The following DPH6 variants were observed in gnomAD, a reference collection of about 807,000 sequenced individuals.
The protein encoded by DPH6 is diphthamine biosynthesis 6.
In DPH6, 33 loss-of-function variants were observed where a neutral mutation model predicts 38.2. The observed-to-expected ratio is 0.86, with a 90% confidence interval of 0.65 to 1.15. The LOEUF is 1.15. Ranked by LOEUF, DPH6 falls within the 50% of genes most tolerant of loss-of-function variation. DPH6 has a pLI of 0.00. For missense variants in DPH6, 325 were observed against 320.0 expected, an observed-to-expected ratio of 1.02 and a Z score of -0.12; for synonymous variants, 108 against 103.0, an observed-to-expected ratio of 1.05 and a Z score of -0.30.
In DPH6 at chr15:35,401,618, G is replaced by C. The variant is rs1257353330; in HGVS notation, c.567+9217C>G. On this transcript the variant is annotated intron_variant, in intron 6 of 8. Coordinates refer to ENST00000256538, the MANE Select transcript of DPH6 (RefSeq NM_080650.4). Reference sequence around the variant, plus strand: ...TTTGGCAATTACAACAATCATCTTCGAATTTTGGAACCATGAAGGTAGGAA... The same window carrying C: ...TTTGGCAATTACAACAATCATCTTCCAATTTTGGAACCATGAAGGTAGGAA... The C allele has an allele frequency of 7.9e-6, 6 of 759,660 alleles. No homozygotes were observed. The East Asian group carries it at 1.5e-4, about 19-fold the overall frequency. 47.1% of individuals were successfully genotyped at this position (759,660 alleles called of 1,614,324 possible).
intron 3 of DPH6, among the ~76,000 whole-genome samples, chr15:35,221,314 A>T (rs2051440829): frequency 6.6e-6 from 1 of 152,104 alleles, no homozygotes; most frequent in African/African-American, 2.4e-5. Context: ...GGGTGGCCCT[A>T]TTCCCATGGC....
At chr15:35,425,737 A>G (rs2053561515) in intron 5 of DPH6, among the ~76,000 whole-genome samples, 1 of 149,314 alleles carries the variant, frequency 6.7e-6, no homozygotes, top group Admixed American at 6.7e-5. Context: ...TTTGGGATGG[A>G]TAGACTCAAT....
intron 3 of DPH6, among the ~76,000 whole-genome samples, chr15:35,228,491 C>A (rs1403835969): frequency 6.6e-6 from 1 of 152,150 alleles, no homozygotes; most frequent in African/African-American, 2.4e-5. Context: ...TGCAGTGGCA[C>A]AATTTCAGCT....
At chr15:35,506,929 A>C (rs2054702077) in intron 3 of DPH6, among the ~76,000 whole-genome samples, 1 of 145,454 alleles carries the variant, frequency 6.9e-6, no homozygotes, top group Non-Finnish European at 1.5e-5. Flanking sequence ...TTCTAGTGAC[A>C]GTGTTAAAAA....
At chr15:35,460,310 T>C (rs1344728131) in intron 3 of DPH6, among the ~76,000 whole-genome samples, 1 of 152,236 alleles carries the variant, frequency 6.6e-6, no homozygotes, top group African/African-American at 2.4e-5. Context: ...TAATTCATAT[T>C]AAATTACATT....
At chr15:35,319,175 A>G (rs2140840926) in intron 3 of DPH6, among the ~76,000 whole-genome samples, 1 of 152,332 alleles carries the variant, frequency 6.6e-6, no homozygotes, top group Admixed American at 6.5e-5. Flanking sequence ...TACTGAGGAA[A>G]GTACTTCTGG....
the DPH6 span, among the ~76,000 whole-genome samples, chr15:35,147,001 A>G: frequency 6.6e-6 from 1 of 152,222 alleles, no homozygotes; most frequent in Admixed American, 6.5e-5. Context: ...GTTAATATAC[A>G]TTACATATAA....
At chr15:35,407,443 T>C (rs1056934347) in intron 6 of DPH6, among the ~76,000 whole-genome samples, 2 of 151,790 alleles carry the variant, frequency 1.3e-5, no homozygotes, top group Admixed American at 1.3e-4. Flanking sequence ...GATGAATGAA[T>C]AGATGGAGAG....
chr15:35,238,176 G>C, intron 3 of DPH6: 1 of 550,484 alleles, frequency 1.8e-6, no homozygotes, highest in Non-Finnish European at 3.0e-6. Context: ...TGATTGTAAC[G>C]TTGCTGTGGG....
chr15:35,288,685 A>T (rs2051959738), intron 3 of DPH6, among the ~76,000 whole-genome samples: 1 of 152,178 alleles, frequency 6.6e-6, no homozygotes, highest in Admixed American at 6.5e-5. Context: ...GCATTTTTCC[A>T]GGACAATGCA....
At chr15:35,198,599 G>A in the DPH6 span, among the ~76,000 whole-genome samples, 1 of 152,132 alleles carries the variant, frequency 6.6e-6, no homozygotes, top group Admixed American at 6.5e-5. Flanking sequence ...AAAGCAATCT[G>A]GCTATTCTTT....
At chr15:35,146,182 A>G in the DPH6 span, among the ~76,000 whole-genome samples, 1 of 152,064 alleles carries the variant, frequency 6.6e-6, no homozygotes, top group African/African-American at 2.4e-5. Context: ...ATAACATATT[A>G]GTTGAAAGTA....
At chr15:35,455,727 G>A (rs1457706280) in intron 3 of DPH6, among the ~76,000 whole-genome samples, 1 of 152,000 alleles carries the variant, frequency 6.6e-6, no homozygotes, top group African/African-American at 2.4e-5. Context: ...GTGACTAGGG[G>A]GTGATTACTA....
intron 5 of DPH6, among the ~76,000 whole-genome samples, chr15:35,411,543 A>C (rs2053367081): frequency 6.6e-6 from 1 of 151,722 alleles, no homozygotes; most frequent in Admixed American, 6.6e-5. Flanking sequence ...TTCAACTGAC[A>C]TAACAGTAGA....
intron 3 of DPH6, among the ~76,000 whole-genome samples, chr15:35,530,712 G>C (rs1009347855): frequency 6.6e-6 from 1 of 152,170 alleles, no homozygotes; most frequent in Non-Finnish European, 1.5e-5. Context: ...TTGAACCTGT[G>C]ATAAGTTTAG....
intron 3 of DPH6, among the ~76,000 whole-genome samples, chr15:35,500,875 G>A (rs908702265): frequency 6.6e-6 from 1 of 151,870 alleles, no homozygotes; most frequent in African/African-American, 2.4e-5. Context: ...TGAGTAGCTG[G>A]GATTACAGGC....
intron 3 of DPH6, chr15:35,521,959 G>T: frequency 7.0e-7 from 1 of 1,423,762 alleles, no homozygotes; most frequent in Non-Finnish European, 9.2e-7. Flanking sequence ...GCCAAATCTT[G>T]CCTAGGTAAG....
chr15:35,417,210 C>A (rs916494344), intron 5 of DPH6, among the ~76,000 whole-genome samples: 2 of 151,950 alleles, frequency 1.3e-5, no homozygotes, highest in Non-Finnish European at 2.9e-5. Context: ...ATAATATTTA[C>A]TTTCATTTCC....
chr15:35,403,378 G>A (rs2053247564), intron 6 of DPH6, among the ~76,000 whole-genome samples: 1 of 151,904 alleles, frequency 6.6e-6, no homozygotes, highest in Non-Finnish European at 1.5e-5. Flanking sequence ...GTATCCATCT[G>A]CTCAAGTATT....
Sources: gnomAD v4.1 joint callset for allele counts (sites outside exome capture counted in the v4.1 genomes callset) on GRCh38, gnomAD v4.1.1 for gene constraint, MANE v1.5 for transcripts, NCBI Gene and HGNC (gene_info 2026-07-23, HGNC 2026-07-21) for gene names.